The following DHTKD1 variants were observed in gnomAD, a reference collection of about 807,000 sequenced individuals.
DHTKD1 encodes dehydrogenase E1 and transketolase domain containing 1.
DHTKD1 carries 78 observed loss-of-function variants against 101.8 expected under a neutral mutation model. The observed-to-expected ratio is 0.77, with a 90% CI of 0.64 to 0.93. The LOEUF (loss-of-function observed/expected upper bound fraction) is 0.93. Ranked by LOEUF, DHTKD1 falls within the 40% of genes least tolerant of loss-of-function variation. The probability of loss-of-function intolerance (pLI) is 0.00; values close to 1 mark genes in which losing one functional copy is unlikely to be tolerated. For synonymous variants in DHTKD1, 462 were observed against 450.3 expected, an observed-to-expected ratio of 1.03 and a Z score of -0.33; for missense variants, 1,223 against 1,161.7, an observed-to-expected ratio of 1.05 and a Z score of -0.77.
Position 12,120,207 on chromosome 10 carries a change from T to A in DHTKD1, c.2598T>A (p.Pro866=). 1 of 1,613,980 alleles carries A rather than the reference T, an allele frequency of 6.2e-7. No individual in the cohort carries two copies. The highest frequency in any genetic ancestry group is 8.5e-7 in the Non-Finnish European group (1 of 1,179,878). The part of the protein sequence containing the change: ...VKDHIWSQEE[P]QNMGPWSFVS... ...ATCATATTTGGAGTCAGGAGGAACC[T>A]CAGAACATGGGTCCGTGGTCGTTTG... The change falls in exon 16 of 17, where the codon CCT becomes CCA. Residue 866 remains proline, a synonymous_variant. Coordinates refer to ENST00000263035, the MANE Select transcript of DHTKD1 (RefSeq NM_018706.7).
At position 12,100,290 on chromosome 10, in the gene DHTKD1, T is replaced by TTTTTTTTTTGTTG. The variant is rs765145842; in HGVS notation, c.1756+37_1756+38insGTTGTTTTTTTTT. ...AAGAATTTTCTTTTTTTTTTCTGTT[T>TTTTTTTTTTGTTG]TTTTTTTTTTTGAGTCTCACCCTGT... On this transcript the variant is annotated intron_variant, in intron 9 of 16. Transcript: ENST00000263035. The TTTTTTTTTTGTTG allele has an allele frequency of 4.9e-5, 41 of 843,544 alleles. 2 individuals carry two copies. Among genetic ancestry groups the TTTTTTTTTTGTTG allele is most frequent in the Non-Finnish European group, 6.6e-5 (38 of 573,824 alleles). 52.3% of individuals were successfully genotyped at this position (843,544 alleles called of 1,614,324 possible).
At chr10:12,083,561 C>A (rs1186033207) in intron 2 of DHTKD1, among the ~76,000 whole-genome samples, 1 of 152,048 alleles carries the variant, frequency 6.6e-6, no homozygotes. Context: ...ATGGTGAAAC[C>A]CCATCTATAC....
intron 5 of DHTKD1, among the ~76,000 whole-genome samples, chr10:12,091,236 C>T (rs1158286823): frequency 1.3e-5 from 2 of 151,564 alleles, no homozygotes; most frequent in Non-Finnish European, 2.9e-5. Flanking sequence ...CATGGTGAAA[C>T]CCCGCCTCTA....
chr10:12,077,119 A>G (rs1013262133), intron 1 of DHTKD1, among the ~76,000 whole-genome samples: 5 of 150,268 alleles, frequency 3.3e-5, no homozygotes, highest in African/African-American at 4.9e-5. Flanking sequence ...TACATATACT[A>G]ATACATATAC....
intron 13 of DHTKD1, among the ~76,000 whole-genome samples, chr10:12,113,484 C>T (rs1833368573): frequency 6.6e-6 from 1 of 152,174 alleles, no homozygotes; most frequent in Non-Finnish European, 1.5e-5. Context: ...AGGCGTGAGT[C>T]ACCACACCCA....
intron 14 of DHTKD1, among the ~76,000 whole-genome samples, chr10:12,118,216 G>A (rs1214837187): frequency 6.6e-6 from 1 of 151,682 alleles, no homozygotes; most frequent in African/African-American, 2.4e-5. Flanking sequence ...CTTTAAGTCA[G>A]TGGAGTATGA....
At chr10:12,092,772 C>T (rs1482575774) in intron 6 of DHTKD1, among the ~76,000 whole-genome samples, 2 of 151,864 alleles carry the variant, frequency 1.3e-5, no homozygotes, top group African/African-American at 4.8e-5. Flanking sequence ...CATTGCACTA[C>T]AGCGTGGGCA....
chr10:12,086,923 G>A (rs1043990118), intron 3 of DHTKD1, among the ~76,000 whole-genome samples: 2 of 152,120 alleles, frequency 1.3e-5, no homozygotes, highest in Non-Finnish European at 2.9e-5. Flanking sequence ...CTGGCCTCAA[G>A]TGATCCACCT....
chr10:12,075,675 T>C (rs1274219845), intron 1 of DHTKD1, among the ~76,000 whole-genome samples: 1 of 152,188 alleles, frequency 6.6e-6, no homozygotes, highest in Non-Finnish European at 1.5e-5. Flanking sequence ...CATCCAGTAA[T>C]AGGAAGTATT....
rs954702337 is a variant in DHTKD1, at chr10:12,076,832, G to T, written c.155-4640G>T. ...CGCCACCACGCCCGGCTAATTTTTT[G>T]TATTTTTAGTAGAGACGGTTTCACC... On this transcript the variant is annotated intron_variant, in intron 1 of 16. Coordinates refer to ENST00000263035, the MANE Select transcript of DHTKD1 (RefSeq NM_018706.7). Among the ~76,000 whole-genome samples, 6 of 151,780 alleles carry T rather than the reference G, an allele frequency of 4.0e-5. No individual in the cohort carries two copies. In the East Asian group the frequency reaches 7.8e-4, roughly 20 times the overall value.
At chr10:12,098,228 T>G (rs912625251) in intron 8 of DHTKD1, among the ~76,000 whole-genome samples, 1 of 152,220 alleles carries the variant, frequency 6.6e-6, no homozygotes, top group Non-Finnish European at 1.5e-5. Flanking sequence ...GTTCATACAT[T>G]ACATGTACCT....
chr10:12,092,007 C>A (rs1296729771), intron 6 of DHTKD1, among the ~76,000 whole-genome samples: 1 of 146,310 alleles, frequency 6.8e-6, no homozygotes, highest in African/African-American at 2.5e-5. Context: ...GAGTCTTGCT[C>A]TGTTGCCCTT....
intron 1 of DHTKD1, among the ~76,000 whole-genome samples, chr10:12,070,636 C>T (rs1267530039): frequency 6.6e-6 from 1 of 152,106 alleles, no homozygotes; most frequent in Non-Finnish European, 1.5e-5. Context: ...TTACAGGCAC[C>T]TGCCACCATG....
chr10:12,077,474 ACCTTGGCCCG>A (rs1226307471), intron 1 of DHTKD1, among the ~76,000 whole-genome samples: 3 of 152,060 alleles, frequency 2.0e-5, no homozygotes, highest in African/African-American at 7.2e-5. Context: ...TGATGAGGTC[ACCTTGGCCCG>A]CCTTGGCCTC....
chr10:12,119,299 C>CA (rs907173140), intron 15 of DHTKD1, among the ~76,000 whole-genome samples: 4 of 144,706 alleles, frequency 2.8e-5, no homozygotes, highest in African/African-American at 5.1e-5. Flanking sequence ...GACTCTGTGT[C>CA]AAAAAAAGAC....
Position 12,068,970 on chromosome 10 carries a change from A to G in DHTKD1, c.-64A>G, listed in dbSNP as rs1564385024. 4.4e-6 allele frequency: 7 copies of G among 1,593,562 alleles called. No homozygotes were observed. Among genetic ancestry groups the G allele is most frequent in the East Asian group, 2.3e-5 (1 of 44,242 alleles). On this transcript the variant is annotated 5_prime_UTR_variant, in exon 1 of 17. Transcript: ENST00000263035. ...GCCGCCTCTGACGAGTCCCGGATTT[A>G]CCAGGGCCGGTGGGATCCCCTCGGG... is the stretch of plus-strand genomic sequence containing the variant.
At position 12,101,152 on chromosome 10, in the gene DHTKD1, A is replaced by G; in HGVS notation, c.1867A>G (p.Met623Val). The G allele has an allele frequency of 6.2e-7, 1 of 1,614,038 alleles. No homozygotes were observed. Among genetic ancestry groups the G allele is most frequent in the Non-Finnish European group, 8.5e-7 (1 of 1,179,978 alleles). Residue 623 changes from methionine to valine, a missense_variant, in exon 10 of 17, where the codon ATG becomes GTG. Transcript: ENST00000263035. ...TGACACCTACATCCCCCTGAACCAT[A>G]TGGACCCAAATCAGAAGGGGTTTCT... ...TDDTYIPLNHMDPNQKGFLEV... is the reference protein window; with the variant it reads ...TDDTYIPLNHVDPNQKGFLEV...
At chr10:12,120,133 C>A (rs764947550) in intron 15 of DHTKD1, 49 bp from the exon 16 acceptor site, 2 of 1,424,610 alleles carry the variant, frequency 1.4e-6, no homozygotes, top group Non-Finnish European at 2.0e-6. Flanking sequence ...AATTGGGGAC[C>A]GTCTGCATGT....
At chr10:12,085,045 C>A (rs1832877031) in intron 3 of DHTKD1, among the ~76,000 whole-genome samples, 1 of 150,018 alleles carries the variant, frequency 6.7e-6, no homozygotes, top group Non-Finnish European at 1.5e-5. Context: ...GAGTGAAACA[C>A]CTTCTCAAAA....
Sources: allele counts gnomAD v4.1 joint callset (sites outside exome capture counted in the v4.1 genomes callset), GRCh38; gene constraint gnomAD v4.1.1; transcripts MANE v1.5; gene names NCBI Gene and HGNC (gene_info 2026-07-23, HGNC 2026-07-21).